EYS: variants seen among roughly 807,000 people sequenced by gnomAD.
EYS encodes the protein protein eyes shut homolog.
EYS carries 250 observed loss-of-function variants against 282.1 expected under a neutral mutation model. The ratio of observed to expected loss-of-function variants is 0.89; its 90% CI spans 0.80 to 0.98. The LOEUF is 0.98. EYS is among the 50% of genes least tolerant of loss of function. The probability of loss-of-function intolerance (pLI) is 0.00; values close to 1 mark genes in which losing one functional copy is unlikely to be tolerated. For synonymous variants in EYS, 1,355 were observed against 1,282.9 expected, an observed-to-expected ratio of 1.06 and a Z score of -1.20; for missense variants, 4,016 against 3,709.0, an observed-to-expected ratio of 1.08 and a Z score of -2.15.
chr6:63,888,412 C>T (rs966871928), intron 35 of EYS, among the ~76,000 whole-genome samples: 24 of 152,228 alleles, frequency 1.6e-4, no homozygotes, highest in Non-Finnish European at 2.8e-4. Flanking sequence ...CTGGCAGGTG[C>T]CCCTCTGGGG....
chr6:64,021,423 T>C (rs901764845), intron 33 of EYS, among the ~76,000 whole-genome samples: 2 of 151,662 alleles, frequency 1.3e-5, no homozygotes, highest in Non-Finnish European at 1.5e-5. Context: ...TAGGCAGAGG[T>C]CAGGGATGCT....
At chr6:64,360,660 G>C (rs1331352151) in intron 29 of EYS, among the ~76,000 whole-genome samples, 2 of 151,804 alleles carry the variant, frequency 1.3e-5, no homozygotes, top group Non-Finnish European at 3.0e-5. Flanking sequence ...GGAAAAATTT[G>C]TTTCTCTCTT....
chr6:63,904,936 T>C (rs1440234492), intron 35 of EYS, among the ~76,000 whole-genome samples: 11 of 152,212 alleles, frequency 7.2e-5, no homozygotes, highest in African/African-American at 2.7e-4. Flanking sequence ...CATTCTAAAG[T>C]GTATAGTTCA....
intron 31 of EYS, among the ~76,000 whole-genome samples, chr6:64,097,722 C>T (rs561982366): frequency 1.3e-5 from 2 of 152,250 alleles, no homozygotes; most frequent in Admixed American, 1.3e-4. Flanking sequence ...ATACCTTGCC[C>T]TGCTTTGGCT....
chr6:65,251,597 CT>C (rs1172754113), intron 12 of EYS, among the ~76,000 whole-genome samples: 1 of 152,144 alleles, frequency 6.6e-6, no homozygotes, highest in East Asian at 1.9e-4. Flanking sequence ...CTATTTCTCA[CT>C]GAATATAGCT....
At chr6:64,024,343 A>T (rs1315470095) in intron 33 of EYS, among the ~76,000 whole-genome samples, 2 of 152,004 alleles carry the variant, frequency 1.3e-5, no homozygotes, top group Non-Finnish European at 2.9e-5. Flanking sequence ...CTTGGAGAAC[A>T]TTTGTGTGGT....
At chr6:65,187,846 T>C (rs1765549655) in intron 12 of EYS, among the ~76,000 whole-genome samples, 1 of 151,730 alleles carries the variant, frequency 6.6e-6, no homozygotes, top group South Asian at 2.1e-4. Flanking sequence ...ATATTGCTAA[T>C]TTTATTTTTC....
At chr6:64,660,549 C>G (rs1159675240) in intron 22 of EYS, among the ~76,000 whole-genome samples, 3 of 152,164 alleles carry the variant, frequency 2.0e-5, no homozygotes, top group Non-Finnish European at 2.9e-5. Flanking sequence ...TCTCAGGATA[C>G]AAAAGCCATG....
At chr6:63,924,260 G>A (rs568739550) in intron 35 of EYS, among the ~76,000 whole-genome samples, 133 of 152,232 alleles carry the variant, frequency 8.7e-4, no homozygotes, top group African/African-American at 2.9e-3. Flanking sequence ...CATGACTTAT[G>A]TTTTCAGGCT....
intron 35 of EYS, among the ~76,000 whole-genome samples, chr6:63,891,576 G>A (rs1008138551): frequency 1.3e-5 from 2 of 152,144 alleles, no homozygotes; most frequent in Non-Finnish European, 2.9e-5. Flanking sequence ...AGGTATTGAT[G>A]GAACATATCT....
intron 12 of EYS, among the ~76,000 whole-genome samples, chr6:65,115,145 C>T (rs1775329763): frequency 6.6e-6 from 1 of 152,020 alleles, no homozygotes; most frequent in South Asian, 2.1e-4. Context: ...CAAATACATA[C>T]TTTGCACAGT....
chr6:65,365,292 G>A (rs1271207245), intron 8 of EYS, among the ~76,000 whole-genome samples: 1 of 151,560 alleles, frequency 6.6e-6, no homozygotes, highest in Non-Finnish European at 1.5e-5. Flanking sequence ...TCCTGTTTTG[G>A]CCCTCCATCT....
intron 35 of EYS, among the ~76,000 whole-genome samples, chr6:63,867,780 A>G (rs753098938): frequency 1.6e-4 from 24 of 152,286 alleles, no homozygotes; most frequent in South Asian, 4.1e-4. Flanking sequence ...TGCGTTTGCT[A>G]AATGCAGATT....
intron 41 of EYS, among the ~76,000 whole-genome samples, chr6:63,728,092 T>A (rs1242894586): frequency 1.3e-5 from 2 of 152,096 alleles, no homozygotes; most frequent in Non-Finnish European, 2.9e-5. Context: ...TGAAACTTTT[T>A]AAAATATTGC....
At chr6:64,215,985 T>A (rs984348589) in intron 31 of EYS, among the ~76,000 whole-genome samples, 11 of 152,130 alleles carry the variant, frequency 7.2e-5, no homozygotes, top group African/African-American at 2.7e-4. Context: ...GCATGGGACA[T>A]GACACAAGAA....
intron 1 of EYS, among the ~76,000 whole-genome samples, chr6:65,684,493 T>C (rs555392357): frequency 1.3e-5 from 2 of 152,102 alleles, no homozygotes; most frequent in East Asian, 3.9e-4. Flanking sequence ...TGCAGAAATG[T>C]ATAGACGCTA....
At chr6:64,795,626 C>A (rs1012137603) in intron 22 of EYS, among the ~76,000 whole-genome samples, 1 of 152,064 alleles carries the variant, frequency 6.6e-6, no homozygotes, top group African/African-American at 2.4e-5. Flanking sequence ...CTCAAGGGAC[C>A]GTGTAAACAT....
At chr6:64,129,358 AT>A (rs1379149135) in intron 31 of EYS, among the ~76,000 whole-genome samples, 1 of 152,000 alleles carries the variant, frequency 6.6e-6, no homozygotes, top group Non-Finnish European at 1.5e-5. Flanking sequence ...TTTGATTTGC[AT>A]TTCTCTGATG....
chr6:63,965,771 G>A (rs1227665266), intron 35 of EYS, among the ~76,000 whole-genome samples: 1 of 152,124 alleles, frequency 6.6e-6, no homozygotes, highest in Non-Finnish European at 1.5e-5. Flanking sequence ...TAAGATCTGG[G>A]GGAACGGCTC....
Sources: allele counts gnomAD v4.1 joint callset (sites outside exome capture counted in the v4.1 genomes callset), GRCh38; gene constraint gnomAD v4.1.1; transcripts MANE v1.5; gene names NCBI Gene and HGNC (gene_info 2026-07-23, HGNC 2026-07-21).